COL5A2: variants seen among roughly 807,000 people sequenced by gnomAD.
COL5A2 encodes collagen type V alpha 2 chain.
Under a neutral mutation model 208.2 loss-of-function variants are expected in COL5A2, and 23 were observed. The observed-to-expected ratio is 0.11, with a 90% CI of 0.08 to 0.16. The LOEUF is 0.16. Ranked by LOEUF, COL5A2 falls within the 10% of genes least tolerant of loss-of-function variation. The probability of loss-of-function intolerance (pLI) is 1.00; values close to 1 mark genes in which losing one functional copy is unlikely to be tolerated. For missense variants in COL5A2, 1,590 were observed against 1,956.4 expected (o/e 0.81, Z 3.53); for synonymous variants, 625 against 628.5 (o/e 0.99, Z 0.08).
At chr2:189,273,408 G>A in the COL5A2 span, among the ~76,000 whole-genome samples, 6 of 152,058 alleles carry the variant, frequency 3.9e-5, no homozygotes, top group South Asian at 4.2e-4. Context: ...TGGTAAAAAT[G>A]TAAATTAATA....
chr2:189,214,452 TA>T (rs1453132559), intron 1 of COL5A2, among the ~76,000 whole-genome samples: 2 of 152,180 alleles, frequency 1.3e-5, no homozygotes, highest in African/African-American at 4.8e-5. Flanking sequence ...TTTGTGTGCA[TA>T]ATTTTCCCTT....
chr2:189,306,503 G>C, the COL5A2 span, among the ~76,000 whole-genome samples: 1 of 152,162 alleles, frequency 6.6e-6, no homozygotes, highest in African/African-American at 2.4e-5. Context: ...TTTTAGGAAT[G>C]CTGTCAGAAC....
At chr2:189,133,809 T>C (rs1687773167) in intron 1 of COL5A2, among the ~76,000 whole-genome samples, 1 of 152,210 alleles carries the variant, frequency 6.6e-6, no homozygotes, top group Non-Finnish European at 1.5e-5. Flanking sequence ...TCAGAAGTTA[T>C]GTTTCACACA....
chr2:189,319,452 A>G, the COL5A2 span, among the ~76,000 whole-genome samples: 1 of 152,256 alleles, frequency 6.6e-6, no homozygotes, highest in Non-Finnish European at 1.5e-5. Context: ...CTGGAAAATC[A>G]GGTCACTCCC....
intron 1 of COL5A2, among the ~76,000 whole-genome samples, chr2:189,205,459 A>G (rs1174327602): frequency 6.6e-6 from 1 of 152,218 alleles, no homozygotes; most frequent in Non-Finnish European, 1.5e-5. Context: ...TTTTCTAAAC[A>G]AGGCAATGGC....
Position 189,062,934 on chromosome 2 carries a change from G to C in COL5A2, c.1924-16C>G. The C allele has an allele frequency of 1.2e-6, 2 of 1,613,970 alleles. No homozygotes were observed. The highest frequency in any genetic ancestry group is 1.7e-6 in the Non-Finnish European group (2 of 1,179,944). On this transcript the variant is annotated splice_polypyrimidine_tract_variant and intron_variant, in intron 28 of 53. Transcript: ENST00000374866. Reference sequence around the variant, plus strand: ...CAGGAGCTCCCTAGTATCACACACAGATATTTGTGAGGTGAGTCTATGATA... The same window carrying C: ...CAGGAGCTCCCTAGTATCACACACACATATTTGTGAGGTGAGTCTATGATA...
chr2:189,114,214 A>G (rs991271803), intron 1 of COL5A2, among the ~76,000 whole-genome samples: 2 of 152,200 alleles, frequency 1.3e-5, no homozygotes, highest in Non-Finnish European at 2.9e-5. Context: ...CTCAGACAAG[A>G]ATCCATACAC....
chr2:189,251,873 G>GC, the COL5A2 span, among the ~76,000 whole-genome samples: 1 of 151,664 alleles, frequency 6.6e-6, no homozygotes, highest in South Asian at 2.1e-4. Context: ...TGACAAAGGA[G>GC]TAATATCCAG....
At chr2:189,056,246 A>T (rs1376013405) in intron 35 of COL5A2, among the ~76,000 whole-genome samples, 1 of 152,236 alleles carries the variant, frequency 6.6e-6, no homozygotes, top group East Asian at 1.9e-4. Flanking sequence ...AAACCATGTC[A>T]TACTGAAACA....
At chr2:189,377,796 C>T in the COL5A2 span, among the ~76,000 whole-genome samples, 3 of 152,120 alleles carry the variant, frequency 2.0e-5, no homozygotes, top group Non-Finnish European at 4.4e-5. Context: ...TCATGCATCA[C>T]AGAATAGACA....
At chr2:189,316,144 A>G in the COL5A2 span, among the ~76,000 whole-genome samples, 1 of 152,196 alleles carries the variant, frequency 6.6e-6, no homozygotes, top group African/African-American at 2.4e-5. Flanking sequence ...ACTCTGTTAT[A>G]AAGACACATG....
At chr2:189,312,211 T>C in the COL5A2 span, among the ~76,000 whole-genome samples, 1 of 152,100 alleles carries the variant, frequency 6.6e-6, no homozygotes, top group Admixed American at 6.5e-5. Flanking sequence ...CGGATTTTGC[T>C]CTCCAGCTTC....
chr2:189,134,883 T>C (rs1370021774), intron 1 of COL5A2, among the ~76,000 whole-genome samples: 1 of 152,226 alleles, frequency 6.6e-6, no homozygotes, highest in African/African-American at 2.4e-5. Context: ...AATTAATTTT[T>C]CATTAGTAAC....
At chr2:189,234,984 T>C in the COL5A2 span, among the ~76,000 whole-genome samples, 1 of 151,768 alleles carries the variant, frequency 6.6e-6, no homozygotes, top group South Asian at 2.1e-4. Flanking sequence ...ATATACATCA[T>C]TTCAACATGT....
chr2:189,354,772 T>C, the COL5A2 span, among the ~76,000 whole-genome samples: 67 of 152,208 alleles, frequency 4.4e-4, no homozygotes, highest in Admixed American at 1.8e-3. Context: ...TTTGTGTCTC[T>C]ATCTCCTTCA....
At chr2:189,430,201 C>A in the COL5A2 span, among the ~76,000 whole-genome samples, 1 of 152,192 alleles carries the variant, frequency 6.6e-6, no homozygotes, top group Non-Finnish European at 1.5e-5. Context: ...TCACAACTTG[C>A]ACAGGACTCT....
chr2:189,377,555 G>C, the COL5A2 span, among the ~76,000 whole-genome samples: 1 of 152,158 alleles, frequency 6.6e-6, no homozygotes, highest in Non-Finnish European at 1.5e-5. Context: ...ATAAATGTTT[G>C]AATAAATCAT....
At chr2:189,072,786 A>AAAAAAAC (rs1686305708) in intron 17 of COL5A2, among the ~76,000 whole-genome samples, 1 of 150,692 alleles carries the variant, frequency 6.6e-6, no homozygotes, top group Admixed American at 6.6e-5. Context: ...AAAAAAAAAA[A>AAAAAAAC]CCATCTGGAT....
At chr2:189,424,658 A>G in the COL5A2 span, among the ~76,000 whole-genome samples, 1 of 152,218 alleles carries the variant, frequency 6.6e-6, no homozygotes, top group South Asian at 2.1e-4. Flanking sequence ...CATTTATGAG[A>G]TAAATTGAAG....
Sources: gnomAD v4.1 joint callset for allele counts (sites outside exome capture counted in the v4.1 genomes callset) on GRCh38, gnomAD v4.1.1 for gene constraint, MANE v1.5 for transcripts, NCBI Gene and HGNC (gene_info 2026-07-23, HGNC 2026-07-21) for gene names.